The following XPNPEP1 variants were observed in gnomAD, a reference collection of about 807,000 sequenced individuals.
XPNPEP1 encodes the protein X-prolyl aminopeptidase 1, also known as xaa-Pro aminopeptidase 1.
XPNPEP1 carries 39 observed loss-of-function variants against 92.4 expected under a neutral mutation model. The observed-to-expected ratio is 0.42, with a 90% confidence interval of 0.33 to 0.55. The LOEUF is 0.55. Ranked by LOEUF, XPNPEP1 falls within the 20% of genes least tolerant of loss-of-function variation. The pLI, the probability that XPNPEP1 is intolerant of heterozygous loss-of-function variation, is 0.08. For synonymous variants in XPNPEP1, 307 were observed against 299.4 expected, an observed-to-expected ratio of 1.03 and a Z score of -0.26; for missense variants, 654 against 856.1, an observed-to-expected ratio of 0.76 and a Z score of 2.95.
At chr10:109,890,916 A>C (rs1353946808) in intron 5 of XPNPEP1, among the ~76,000 whole-genome samples, 1 of 152,064 alleles carries the variant, frequency 6.6e-6, no homozygotes, top group Non-Finnish European at 1.5e-5. Context: ...ATTATTTCCT[A>C]CAACAAACAA....
chr10:109,907,895 G>C (rs1280249284), intron 2 of XPNPEP1, 80 bp from the exon 3 acceptor site: 11 of 1,579,502 alleles, frequency 7.0e-6, no homozygotes, highest in Non-Finnish European at 9.5e-6. Context: ...GCCACAGAGA[G>C]AAGTGCCTTC....
chr10:109,872,679 G>A (rs1847554424), intron 16 of XPNPEP1, among the ~76,000 whole-genome samples: 3 of 152,224 alleles, frequency 2.0e-5, no homozygotes, highest in African/African-American at 7.2e-5. Flanking sequence ...AGCTCTCTTG[G>A]ACAAACAGAT....
intron 7 of XPNPEP1, 48 bp downstream of exon 7, chr10:109,888,000 TG>T (rs1409660301): frequency 2.5e-6 from 4 of 1,603,110 alleles, no homozygotes; most frequent in Non-Finnish European, 2.6e-6. Context: ...TAGCAAGAGG[TG>T]GGGGGACAAT....
Position 109,882,567 on chromosome 10 carries a change from G to A in XPNPEP1, c.906C>T (p.Ala302=), listed in dbSNP as rs142753365. The A allele has an allele frequency of 6.6e-4, 1,058 of 1,614,126 alleles. 6 individuals carry two copies. The East Asian group carries it at 8.6e-3, about 13-fold the overall frequency. ...EHLLLDLGLE[A]EYRIQVHPYK... is the part of the protein sequence containing the mutation. ...AGGGATGCACCTGGATCCTGTATTC[G>A]GCTTCCAGACCCAAGTCAAGAAGCA... Residue 302 remains alanine, a synonymous_variant, in exon 10 of 21, where the codon GCC becomes GCT. Coordinates refer to ENST00000502935, the MANE Select transcript of XPNPEP1 (RefSeq NM_020383.4).
rs747717546 is a variant in XPNPEP1, at chr10:109,865,214, T to C, written c.1971A>G (p.Arg657=). 2 of 1,614,212 alleles carry C rather than the reference T, an allele frequency of 1.2e-6. No individual in the cohort carries two copies. Among genetic ancestry groups the C allele is most frequent in the East Asian group, 2.2e-5 (1 of 44,884 alleles). ...GCTGTTTGGAGATGGGTTGCGTCTC[T>C]CTGATGAGCCACTCGAGAGCTTCCT... is the stretch of plus-strand genomic sequence containing the variant. ...GRQEALEWLI[R]ETQPISKQH The change falls in exon 21 of 21, where the codon AGA becomes AGG. Residue 657 remains arginine, a synonymous_variant. Transcript: ENST00000502935.
At position 109,910,457 on chromosome 10, in the gene XPNPEP1, T is replaced by C. The variant is rs916781576; in HGVS notation, c.122-2642A>G. Among the ~76,000 whole-genome samples, 7 of 151,840 alleles carry C rather than the reference T, an allele frequency of 4.6e-5. No homozygotes were observed. In the East Asian group the frequency reaches 1.4e-3, roughly 29 times the overall value. On this transcript the variant is annotated intron_variant, in intron 2 of 20. Coordinates refer to ENST00000502935, the MANE Select transcript of XPNPEP1 (RefSeq NM_020383.4). ...TACTCAGGAGGCTGAGGCAGGAGAA[T>C]TGCTCGAACACAGGAAGCAGAGGTT...
At chr10:109,900,991 T>C (rs1214368682) in intron 3 of XPNPEP1, among the ~76,000 whole-genome samples, 1 of 152,198 alleles carries the variant, frequency 6.6e-6, no homozygotes, top group Non-Finnish European at 1.5e-5. Flanking sequence ...CACATATGTT[T>C]ATTGCGGCAC....
At chr10:109,908,804 A>T (rs762596398) in intron 2 of XPNPEP1, among the ~76,000 whole-genome samples, 4 of 152,202 alleles carry the variant, frequency 2.6e-5, no homozygotes, top group African/African-American at 9.7e-5. Context: ...TGACTGCTTT[A>T]AAAGAGTATG....
At chr10:109,879,256 A>T (rs886290200) in intron 12 of XPNPEP1, among the ~76,000 whole-genome samples, 1 of 149,156 alleles carries the variant, frequency 6.7e-6, no homozygotes, top group Non-Finnish European at 1.5e-5. Flanking sequence ...ATAAAAAAAA[A>T]TAATAAAAAT....
At chr10:109,893,669 A>G (rs1848823775) in intron 3 of XPNPEP1, among the ~76,000 whole-genome samples, 1 of 152,238 alleles carries the variant, frequency 6.6e-6, no homozygotes, top group Non-Finnish European at 1.5e-5. Context: ...AGGTCTTCTC[A>G]GCTGATAATC....
Position 109,923,504 on chromosome 10 carries a change from C to A in XPNPEP1, c.-71G>T. 2 of 1,248,948 alleles carry A rather than the reference C, an allele frequency of 1.6e-6. No individual in the cohort carries two copies. Among genetic ancestry groups the A allele is most frequent in the South Asian group, 2.1e-5 (1 of 47,884 alleles). The allele number at this position is 1,248,948 out of a possible 1,614,324, so 77.4% of individuals were successfully genotyped here. A position where few individuals can be genotyped will look rare whatever the true frequency, so the allele number is the denominator to read the frequency against. On this transcript the variant is annotated 5_prime_UTR_variant, in exon 1 of 21. Coordinates refer to ENST00000502935, the MANE Select transcript of XPNPEP1 (RefSeq NM_020383.4). Reference sequence around the variant, plus strand: ...CTGATCACCCGCGGAAGGGCCGGCGCGAAGGAGGCGCGAGAGCCGGCGGGC... The same window carrying A: ...CTGATCACCCGCGGAAGGGCCGGCGAGAAGGAGGCGCGAGAGCCGGCGGGC...
At chr10:109,900,765 C>A (rs1849244572) in intron 3 of XPNPEP1, among the ~76,000 whole-genome samples, 1 of 152,180 alleles carries the variant, frequency 6.6e-6, no homozygotes, top group African/African-American at 2.4e-5. Context: ...ACTCTAAAAT[C>A]CTGATTCTGG....
chr10:109,916,357 C>A (rs1589638216), intron 1 of XPNPEP1, among the ~76,000 whole-genome samples: 1 of 72,464 alleles, frequency 1.4e-5, no homozygotes, highest in South Asian at 3.6e-4. Context: ...AAGGTCAGCG[C>A]AGTGTGATTG....
At chr10:109,923,330 G>A (rs1850665510) in intron 1 of XPNPEP1, 72 bp downstream of exon 1, 1 of 1,372,182 alleles carries the variant, frequency 7.3e-7, no homozygotes, top group South Asian at 1.5e-5. Flanking sequence ...GCCCGCCGAG[G>A]TGCAACACGC....
chr10:109,885,915 A>G (rs980667993), intron 8 of XPNPEP1, among the ~76,000 whole-genome samples: 2 of 152,194 alleles, frequency 1.3e-5, no homozygotes, highest in Non-Finnish European at 2.9e-5. Flanking sequence ...GGCCTCTCCT[A>G]TGAGCCCACT....
intron 1 of XPNPEP1, among the ~76,000 whole-genome samples, chr10:109,919,071 C>T (rs1850381422): frequency 6.6e-6 from 1 of 152,112 alleles, no homozygotes; most frequent in African/African-American, 2.4e-5. Context: ...TCTGCCTGAC[C>T]TTGGATTAGG....
chr10:109,871,957 T>C, intron 16 of XPNPEP1, 96 bp from the exon 17 acceptor site: 1 of 1,251,660 alleles, frequency 8.0e-7, no homozygotes, highest in Non-Finnish European at 1.1e-6. Flanking sequence ...GCTAAAGTTT[T>C]TAGCAATATC....
Position 109,873,977 on chromosome 10 carries a change from T to A in XPNPEP1, c.1392-550A>T, listed in dbSNP as rs188140218. On this transcript the variant is annotated intron_variant, in intron 15 of 20. Transcript: ENST00000502935. ...GGAGAGTAGTGGTTCTCCAGGGTAGTGGAAAAGGGGGTAGTGACCGCTATT... is the reference window on the plus strand; with the variant it reads ...GGAGAGTAGTGGTTCTCCAGGGTAGAGGAAAAGGGGGTAGTGACCGCTATT... Among the ~76,000 whole-genome samples the A allele has an allele frequency of 3.9e-5, 6 of 152,198 alleles. No individual in the cohort carries two copies. In the East Asian group the frequency reaches 1.2e-3, roughly 29 times the overall value.
chr10:109,893,096 C>T (rs776782184), intron 3 of XPNPEP1, 21 bp from the exon 4 acceptor site: 2 of 1,610,900 alleles, frequency 1.2e-6, no homozygotes, highest in East Asian at 4.5e-5. Context: ...AAGATGACAA[C>T]AAAGTGGGCC....
Sources: gnomAD v4.1 joint callset for allele counts (sites outside exome capture counted in the v4.1 genomes callset) on GRCh38, gnomAD v4.1.1 for gene constraint, MANE v1.5 for transcripts, NCBI Gene and HGNC (gene_info 2026-07-23, HGNC 2026-07-21) for gene names.